Variants in NOS2 observed in about 807,000 individuals in gnomAD.
NOS2 encodes nitric oxide synthase 2.
Under a neutral mutation model 136.0 loss-of-function variants are expected in NOS2, and 96 were observed. The ratio of observed to expected loss-of-function variants is 0.71; its 90% CI spans 0.60 to 0.84. The LOEUF (loss-of-function observed/expected upper bound fraction) is 0.84. NOS2 is among the 40% of genes least tolerant of loss of function. NOS2 has a pLI of 0.00. For synonymous variants in NOS2, 539 were observed against 587.5 expected, an observed-to-expected ratio of 0.92 and a Z score of 1.20; for missense variants, 1,237 against 1,496.9, an observed-to-expected ratio of 0.83 and a Z score of 2.87.
intron 25 of NOS2, 43 bp downstream of exon 25, chr17:27,759,987 G>A (rs377555957): frequency 3.4e-6 from 5 of 1,462,958 alleles, no homozygotes; most frequent in Non-Finnish European, 4.5e-6. Context: ...TCACAGTGGA[G>A]CTTGTGTGTG....
At chr17:27,781,726 C>A (rs1197453097) in intron 7 of NOS2, among the ~76,000 whole-genome samples, 3 of 152,154 alleles carry the variant, frequency 2.0e-5, no homozygotes, top group Non-Finnish European at 4.4e-5. Context: ...AAAATGGGAG[C>A]CCCAACCCTG....
At chr17:27,763,352 A>G (rs889207999) in intron 21 of NOS2, among the ~76,000 whole-genome samples, 2 of 152,206 alleles carry the variant, frequency 1.3e-5, no homozygotes, top group African/African-American at 2.4e-5. Context: ...TCTTGTCCCA[A>G]TTACCCTTTG....
At chr17:27,790,726 TTAAAG>T (rs1909160624) in intron 2 of NOS2, among the ~76,000 whole-genome samples, 1 of 152,246 alleles carries the variant, frequency 6.6e-6, no homozygotes, top group Admixed American at 6.5e-5. Context: ...TAAACATTAC[TTAAAG>T]TAATTTTTTA....
chr17:27,761,589 A>G (rs796783684), intron 22 of NOS2, among the ~76,000 whole-genome samples: 7 of 152,080 alleles, frequency 4.6e-5, no homozygotes, highest in African/African-American at 1.4e-4. Flanking sequence ...CTCCGGGAAC[A>G]CTCCCAGCTC....
intron 6 of NOS2, 22 bp downstream of exon 6, chr17:27,782,922 G>A (rs202191085): frequency 2.9e-5 from 46 of 1,612,154 alleles, no homozygotes; most frequent in Middle Eastern, 1.8e-4. Context: ...GCTCTCTCCC[G>A]CTCAAGTCTA....
intron 9 of NOS2, among the ~76,000 whole-genome samples, chr17:27,780,150 C>A (rs188489224): frequency 2.2e-4 from 34 of 152,246 alleles, no homozygotes; most frequent in African/African-American, 7.2e-4. Context: ...TAGGAAATAC[C>A]TTTTGACAAG....
chr17:27,793,283 G>T (rs537032072), intron 2 of NOS2, among the ~76,000 whole-genome samples: 17 of 152,280 alleles, frequency 1.1e-4, no homozygotes, highest in Non-Finnish European at 1.9e-4. Flanking sequence ...GATCCAAAGA[G>T]TGTAGCAACT....
intron 11 of NOS2, among the ~76,000 whole-genome samples, chr17:27,777,819 C>A (rs570077639): frequency 2.6e-5 from 4 of 152,018 alleles, no homozygotes; most frequent in Non-Finnish European, 4.4e-5. Context: ...CTGAGGCAAG[C>A]GGATCACTTG....
rs1316441856 is a variant in NOS2, at chr17:27,773,667, A to G, written c.1477-424T>C. 2.0e-5 allele frequency among the ~76,000 whole-genome samples: 3 copies of G among 152,180 alleles called. No individual in the cohort carries two copies. In the East Asian group the frequency reaches 5.8e-4, roughly 29 times the overall value. On this transcript the variant is annotated intron_variant, in intron 12 of 26. Transcript: ENST00000313735. Reference sequence around the variant, plus strand: ...CCTGCATGTGAGGTCCTGTAGATGGAGGAAGCTCTTCCTTTAGATGAAGGA... The same window carrying G: ...CCTGCATGTGAGGTCCTGTAGATGGGGGAAGCTCTTCCTTTAGATGAAGGA...
intron 25 of NOS2, among the ~76,000 whole-genome samples, chr17:27,759,377 G>C (rs138639991): frequency 4.9e-4 from 75 of 152,316 alleles, no homozygotes; most frequent in African/African-American, 1.7e-3. Flanking sequence ...AATGAAGGCA[G>C]TCCCCCTGCC....
chr17:27,765,837 G>A, intron 19 of NOS2, 121 bp from the exon 20 acceptor site: 2 of 1,101,920 alleles, frequency 1.8e-6, no homozygotes, highest in African/African-American at 1.6e-5. Context: ...GGTTCCACAA[G>A]CTAGGCCACC....
At chr17:27,789,362 T>G (rs1909119921) in intron 3 of NOS2, among the ~76,000 whole-genome samples, 1 of 152,140 alleles carries the variant, frequency 6.6e-6, no homozygotes, top group Non-Finnish European at 1.5e-5. Flanking sequence ...ACCCAGGAGA[T>G]AGAAGCTAGC....
intron 5 of NOS2, among the ~76,000 whole-genome samples, chr17:27,784,605 T>G (rs1263373758): frequency 6.6e-6 from 1 of 152,250 alleles, no homozygotes; most frequent in African/African-American, 2.4e-5. Context: ...TTCAGAGTTT[T>G]AGATGTGATA....
chr17:27,768,908 A>G, intron 17 of NOS2, 69 bp downstream of exon 17: 5 of 1,465,928 alleles, frequency 3.4e-6, no homozygotes, highest in Non-Finnish European at 4.5e-6. Flanking sequence ...GACGCCCAGC[A>G]CAGATGTCCT....
chr17:27,759,319 T>A (rs1310538688), intron 25 of NOS2, among the ~76,000 whole-genome samples: 1 of 152,148 alleles, frequency 6.6e-6, no homozygotes, highest in African/African-American at 2.4e-5. Context: ...GACCATCCAG[T>A]GGGGATCCCA....
intron 14 of NOS2, among the ~76,000 whole-genome samples, chr17:27,771,698 C>G (rs1482768726): frequency 2.6e-5 from 4 of 152,224 alleles, no homozygotes; most frequent in Non-Finnish European, 4.4e-5. Flanking sequence ...ATCAACCTGT[C>G]TAACAGTCAG....
At chr17:27,792,815 C>CAAAAAAA (rs34992777) in intron 2 of NOS2, among the ~76,000 whole-genome samples, 7 of 52,506 alleles carry the variant, frequency 1.3e-4, no homozygotes, top group East Asian at 1.6e-3. Context: ...CCTATCTCTA[C>CAAAAAAA]AAAAAAAAAA....
intron 2 of NOS2, among the ~76,000 whole-genome samples, chr17:27,790,747 A>T (rs1192355100): frequency 6.6e-6 from 1 of 152,264 alleles, no homozygotes; most frequent in East Asian, 1.9e-4. Context: ...TTTTAAATTA[A>T]AGATTACTTA....
At chr17:27,789,184 G>A (rs139791049) in intron 3 of NOS2, among the ~76,000 whole-genome samples, 3 of 152,320 alleles carry the variant, frequency 2.0e-5, no homozygotes, top group East Asian at 1.9e-4. Context: ...TGCTGTAGGA[G>A]GGACTAAAGA....
Sources: allele counts gnomAD v4.1 joint callset (sites outside exome capture counted in the v4.1 genomes callset), GRCh38; gene constraint gnomAD v4.1.1; transcripts MANE v1.5; gene names NCBI Gene and HGNC (gene_info 2026-07-23, HGNC 2026-07-21).